The following FBXO4 variants were observed in gnomAD, a reference collection of about 807,000 sequenced individuals.
The protein encoded by FBXO4 is F-box only protein 4.
In FBXO4, 36 loss-of-function variants were observed where a neutral mutation model predicts 43.7. That is an observed-to-expected ratio of 0.82 (90% CI 0.63 to 1.09). FBXO4 has a LOEUF of 1.09. Among genes scored for constraint, FBXO4 ranks in the 50% least tolerant of loss-of-function variants. The probability of loss-of-function intolerance (pLI) is 0.00; values close to 1 mark genes in which losing one functional copy is unlikely to be tolerated. For synonymous variants in FBXO4, 180 were observed against 165.6 expected, an observed-to-expected ratio of 1.09 and a Z score of -0.67; for missense variants, 435 against 474.1, an observed-to-expected ratio of 0.92 and a Z score of 0.77.
the FBXO4 span, among the ~76,000 whole-genome samples, chr5:41,982,164 G>A: frequency 6.6e-6 from 1 of 152,078 alleles, no homozygotes; most frequent in East Asian, 1.9e-4. Context: ...GGACATTTGG[G>A]TTGGTTCCAA....
chr5:42,039,970 A>G, the FBXO4 span, among the ~76,000 whole-genome samples: 8 of 152,096 alleles, frequency 5.3e-5, no homozygotes, highest in African/African-American at 1.9e-4. Context: ...GCTAACAACT[A>G]CATGAGCTTG....
chr5:41,931,339 AG>A (rs1751681932), intron 3 of FBXO4, among the ~76,000 whole-genome samples: 1 of 152,258 alleles, frequency 6.6e-6, no homozygotes, highest in Non-Finnish European at 1.5e-5. Context: ...GGATGGCTCC[AG>A]GTTTCTGACT....
the FBXO4 span, among the ~76,000 whole-genome samples, chr5:42,023,152 C>T: frequency 6.6e-6 from 1 of 151,896 alleles, no homozygotes; most frequent in Non-Finnish European, 1.5e-5. Flanking sequence ...ACGTGGGCAA[C>T]CTGGGGAATG....
chr5:41,942,685 A>C (rs749474113), downstream of FBXO4, among the ~76,000 whole-genome samples: 10 of 152,028 alleles, frequency 6.6e-5, no homozygotes, highest in African/African-American at 2.4e-4. Context: ...TATGAAATTT[A>C]TCTCTCTTAT....
At chr5:42,000,634 G>T in the FBXO4 span, among the ~76,000 whole-genome samples, 1 of 151,866 alleles carries the variant, frequency 6.6e-6, no homozygotes, top group Non-Finnish European at 1.5e-5. Flanking sequence ...GTGTTTTTGT[G>T]TCATATCCAA....
the FBXO4 span, among the ~76,000 whole-genome samples, chr5:41,973,872 ACTT>A: frequency 3.9e-5 from 6 of 152,210 alleles, no homozygotes; most frequent in Admixed American, 3.9e-4. Context: ...GACCCATTAA[ACTT>A]CTGCCTGAAA....
the FBXO4 span, among the ~76,000 whole-genome samples, chr5:41,982,308 C>A: frequency 1.3e-5 from 2 of 152,114 alleles, no homozygotes; most frequent in South Asian, 4.1e-4. Flanking sequence ...AGTTCTAGAT[C>A]CCTGAGGAAT....
chr5:42,030,439 C>G, the FBXO4 span, among the ~76,000 whole-genome samples: 3 of 151,952 alleles, frequency 2.0e-5, no homozygotes, highest in East Asian at 5.8e-4. Context: ...TTCCTTACAC[C>G]TTACACAAAA....
rs1751533390 is a variant in FBXO4 at position 41,927,161 on chromosome 5, T to C, written c.338T>C (p.Val113Ala). 1 of 1,613,910 alleles carries C rather than the reference T, an allele frequency of 6.2e-7. No homozygotes were observed. The highest frequency in any genetic ancestry group is 1.1e-5 in the South Asian group (1 of 91,074). The change falls in exon 2 of 7, where the codon GTT becomes GCT. Residue 113 changes from valine (V) to alanine (A), a missense_variant. Physicochemically the swap from Val to Ala is moderately conservative, Grantham distance 64. Coordinates refer to ENST00000281623, the MANE Select transcript of FBXO4 (RefSeq NM_012176.3). ...AGGGATCTTCCTTCTTGGTCTTCTG[T>C]TGACTGGAAGTCTCTTCCAGATCTA... ...LLRDLPSWSS[V>A]DWKSLPDLEI...
At chr5:41,946,244 C>T (rs543850532), downstream of FBXO4, among the ~76,000 whole-genome samples, 1 of 152,294 alleles carries the variant, frequency 6.6e-6, no homozygotes, top group South Asian at 2.1e-4. Context: ...AGCCCCGTTG[C>T]ATTGCAGGCT....
chr5:41,934,187 C>G lies in FBXO4; in HGVS notation c.777C>G (p.Phe259Leu). ...EEHTSAVNKMFSRHNEGDDQQ... is the reference protein window; with the variant it reads ...EEHTSAVNKMLSRHNEGDDQQ... Reference sequence around the variant, plus strand: ...ATACAAGTGCAGTTAACAAGATGTTCAGTCGACACAATGAAGGTGATGATC... The same window carrying G: ...ATACAAGTGCAGTTAACAAGATGTTGAGTCGACACAATGAAGGTGATGATC... Residue 259 changes from phenylalanine to leucine, a missense_variant, in exon 5 of 7, where the codon TTC becomes TTG. By Grantham distance (22) the Phe-to-Leu change is conservative. Transcript: ENST00000281623. 6.2e-7 allele frequency: 1 copy of G among 1,614,040 alleles called. No individual in the cohort carries two copies. Among genetic ancestry groups the G allele is most frequent in the Non-Finnish European group, 8.5e-7 (1 of 1,179,978 alleles).
At chr5:41,960,386 A>G in the FBXO4 span, among the ~76,000 whole-genome samples, 4 of 152,088 alleles carry the variant, frequency 2.6e-5, no homozygotes, top group African/African-American at 4.8e-5. Context: ...CCAGTACTAT[A>G]TTGAACAGAA....
chr5:41,949,911 C>A, the FBXO4 span, among the ~76,000 whole-genome samples: 2 of 152,156 alleles, frequency 1.3e-5, no homozygotes, highest in African/African-American at 4.8e-5. Flanking sequence ...AATAATGCCA[C>A]ATATCTACAA....
chr5:41,974,233 C>A, the FBXO4 span, among the ~76,000 whole-genome samples: 1 of 152,140 alleles, frequency 6.6e-6, no homozygotes, highest in Non-Finnish European at 1.5e-5. Flanking sequence ...GTTCTCTGAG[C>A]TTCTTGAAAC....
At chr5:41,966,654 T>G in the FBXO4 span, among the ~76,000 whole-genome samples, 39 of 152,344 alleles carry the variant, frequency 2.6e-4, 1 homozygote, top group South Asian at 7.9e-3. Flanking sequence ...TGGTTACCAA[T>G]CGATACGTAT....
At chr5:41,965,177 A>G in the FBXO4 span, among the ~76,000 whole-genome samples, 1 of 152,170 alleles carries the variant, frequency 6.6e-6, no homozygotes, top group African/African-American at 2.4e-5. Flanking sequence ...CAGGTTTGTC[A>G]AAGATCAGAT....
chr5:41,935,965 A>C (rs1267207461), intron 5 of FBXO4, among the ~76,000 whole-genome samples: 1 of 152,274 alleles, frequency 6.6e-6, no homozygotes, highest in South Asian at 2.1e-4. Flanking sequence ...TGTGTGTTAC[A>C]AAGTTAACTA....
the FBXO4 span, among the ~76,000 whole-genome samples, chr5:41,993,060 T>TTAA: frequency 8.5e-5 from 13 of 152,310 alleles, no homozygotes; most frequent in African/African-American, 2.9e-4. Context: ...TAAACCCTTT[T>TTAA]TAATAGACTG....
chr5:41,934,884 A>AT lies in FBXO4; in HGVS notation c.898+578dup, dbSNP rs961284933. Reference sequence around the variant, plus strand: ...AAATATCATTGGGCCATGAGCTAGTATTATAATATCTTTCCCAAATCCTTT... The same window carrying AT: ...AAATATCATTGGGCCATGAGCTAGTATTTATAATATCTTTCCCAAATCCTTT... On this transcript the variant is annotated intron_variant, in intron 5 of 6. Transcript: ENST00000281623. The AT allele has an allele frequency of 8.9e-4, 879 of 986,114 alleles. 1 individual carries two copies. Among genetic ancestry groups the AT allele is most frequent in the Non-Finnish European group, 1.0e-3 (840 of 829,972 alleles). The allele number at this position is 986,114 out of a possible 1,614,324, so 61.1% of individuals were successfully genotyped here. A position where few individuals can be genotyped will look rare whatever the true frequency, so the allele number is the denominator to read the frequency against.
Sources: allele counts gnomAD v4.1 joint callset (sites outside exome capture counted in the v4.1 genomes callset), GRCh38; gene constraint gnomAD v4.1.1; transcripts MANE v1.5; gene names NCBI Gene and HGNC (gene_info 2026-07-23, HGNC 2026-07-21).